Variants in PLA2G4A observed in about 807,000 individuals in gnomAD.
The protein encoded by PLA2G4A is cytosolic phospholipase A2.
PLA2G4A carries 40 observed loss-of-function variants against 81.9 expected under a neutral mutation model. That is an observed-to-expected ratio of 0.49 (90% CI 0.38 to 0.64). The LOEUF (loss-of-function observed/expected upper bound fraction) is 0.64, where lower values mean the gene tolerates loss of function less well. Among genes scored for constraint, PLA2G4A ranks in the 30% least tolerant of loss-of-function variants. PLA2G4A has a pLI of 0.00. For synonymous variants in PLA2G4A, 302 were observed against 296.9 expected, an observed-to-expected ratio of 1.02 and a Z score of -0.18; for missense variants, 715 against 905.1, an observed-to-expected ratio of 0.79 and a Z score of 2.69.
At chr1:186,922,532 C>T (rs1203659686) in intron 7 of PLA2G4A, among the ~76,000 whole-genome samples, 1 of 152,170 alleles carries the variant, frequency 6.6e-6, no homozygotes, top group Non-Finnish European at 1.5e-5. Context: ...CAGTTGCCTA[C>T]CTAGGAGTGC....
chr1:186,951,454 A>T (rs1358800529), intron 13 of PLA2G4A, among the ~76,000 whole-genome samples: 1 of 408 alleles, frequency 2.5e-3, no homozygotes, highest in Non-Finnish European at 3.8e-3. Flanking sequence ...CCCAATAGTT[A>T]AAAAAAAGCC....
chr1:186,929,605 T>A (rs1410567170), intron 7 of PLA2G4A, among the ~76,000 whole-genome samples: 1 of 152,140 alleles, frequency 6.6e-6, no homozygotes, highest in Non-Finnish European at 1.5e-5. Flanking sequence ...ACAGCATTAG[T>A]TGGGGAAAAG....
chr1:186,884,232 G>A (rs930533772), intron 3 of PLA2G4A, among the ~76,000 whole-genome samples: 5 of 149,882 alleles, frequency 3.3e-5, no homozygotes, highest in African/African-American at 1.2e-4. Context: ...AAGGAAAATT[G>A]AAGGACTACA....
At chr1:186,864,579 G>A (rs976275715) in intron 2 of PLA2G4A, among the ~76,000 whole-genome samples, 1 of 151,544 alleles carries the variant, frequency 6.6e-6, no homozygotes, top group Non-Finnish European at 1.5e-5. Flanking sequence ...TCATATACTT[G>A]TTGGCCATTT....
intron 3 of PLA2G4A, among the ~76,000 whole-genome samples, chr1:186,883,538 A>G (rs1416657466): frequency 6.6e-6 from 1 of 152,124 alleles, no homozygotes; most frequent in Non-Finnish European, 1.5e-5. Flanking sequence ...GGTTTTGACT[A>G]CATGAGCAAT....
chr1:186,935,530 A>G (rs973944893), intron 8 of PLA2G4A, among the ~76,000 whole-genome samples: 10 of 151,842 alleles, frequency 6.6e-5, no homozygotes, highest in African/African-American at 2.2e-4. Flanking sequence ...TAAAAAGAAG[A>G]TAGAAGGTAA....
chr1:186,943,277 T>C (rs1656221942), intron 10 of PLA2G4A, among the ~76,000 whole-genome samples: 1 of 152,202 alleles, frequency 6.6e-6, no homozygotes, highest in Non-Finnish European at 1.5e-5. Flanking sequence ...GTGTTTAAAC[T>C]GTTAGAAATT....
Position 186,940,216 on chromosome 1 carries a change from TA to T in PLA2G4A, c.1033+124del, listed in dbSNP as rs1557884051. On this transcript the variant is annotated intron_variant, in intron 10 of 17. Transcript: ENST00000367466. The stretch of plus-strand genomic sequence containing the variant: ...TTATTTTAATGTATTTTCTGTAACA[TA>T]AGACTTTGAAGATATAAGAAAATAT... The T allele has an allele frequency of 7.1e-6, 5 of 706,100 alleles. No individual in the cohort carries two copies. The Admixed American group carries it at 1.0e-4, about 14-fold the overall frequency. The allele number at this position is 706,100 out of a possible 1,614,324, so 43.7% of individuals were successfully genotyped here. A position where few individuals can be genotyped will look rare whatever the true frequency, so the allele number is the denominator to read the frequency against.
At position 186,956,307 on chromosome 1, in the gene PLA2G4A, C is replaced by A. The variant is rs1265800062; in HGVS notation, c.1542C>A (p.Asp514Glu). ...LSPLSDFATQ[D>E]SFDDDELDAA... is the part of the protein sequence containing the mutation. Reference sequence around the variant, plus strand: ...CTTTGAGTGACTTTGCCACACAGGACTCCTTTGATGATGATGAACTGGATG... The same window carrying A: ...CTTTGAGTGACTTTGCCACACAGGAATCCTTTGATGATGATGAACTGGATG... The change falls in exon 14 of 18, where the codon GAC becomes GAA. Residue 514 changes from aspartate to glutamate, a missense_variant. Asp to Glu is a conservative substitution (Grantham distance 45, BLOSUM62 2). Transcript: ENST00000367466. 2 of 1,613,518 alleles carry A rather than the reference C, an allele frequency of 1.2e-6. No homozygotes were observed. The highest frequency in any genetic ancestry group is 1.7e-6 in the Non-Finnish European group (2 of 1,179,568).
chr1:186,930,235 T>C (rs1037954825), intron 7 of PLA2G4A, among the ~76,000 whole-genome samples: 1 of 152,250 alleles, frequency 6.6e-6, no homozygotes. Flanking sequence ...TATTCAACTT[T>C]ACGTACAAAT....
intron 9 of PLA2G4A, among the ~76,000 whole-genome samples, chr1:186,939,533 C>A (rs960780979): frequency 6.7e-6 from 1 of 150,184 alleles, no homozygotes; most frequent in African/African-American, 2.4e-5. Context: ...TAACCCTTAA[C>A]TGCCCATTCC....
intron 7 of PLA2G4A, among the ~76,000 whole-genome samples, chr1:186,930,197 T>A (rs1655691702): frequency 6.6e-6 from 1 of 152,202 alleles, no homozygotes; most frequent in African/African-American, 2.4e-5. Context: ...ATGAAGGTAA[T>A]TATAATCTGC....
intron 3 of PLA2G4A, among the ~76,000 whole-genome samples, chr1:186,876,333 A>T (rs1653496666): frequency 6.6e-6 from 1 of 152,038 alleles, no homozygotes; most frequent in South Asian, 2.1e-4. Context: ...CTGTGGAAAA[A>T]TTTCTAAAAG....
rs772018373 is a variant in PLA2G4A, at chr1:186,946,735, G to A, written c.1132G>A (p.Val378Ile). 22 of 1,611,654 alleles carry A rather than the reference G, an allele frequency of 1.4e-5. No homozygotes were observed. The highest frequency in any genetic ancestry group is 1.6e-5 in the Non-Finnish European group (19 of 1,178,192). ...FGSKFFMGTV[V>I]KKYEENPLHF... is the part of the protein sequence containing the mutation. ...AAGCAAATTTTTTATGGGAACAGTCGTTAAGAAGTATGAAGAAAACCCCTT... is the reference window on the plus strand; with the variant it reads ...AAGCAAATTTTTTATGGGAACAGTCATTAAGAAGTATGAAGAAAACCCCTT... Residue 378 changes from valine to isoleucine, a missense_variant, in exon 11 of 18, where the codon GTT (valine) becomes ATT (isoleucine). By Grantham distance (29) the Val-to-Ile change is conservative. Transcript: ENST00000367466.
chr1:186,931,715 A>G (rs939841762), intron 7 of PLA2G4A, among the ~76,000 whole-genome samples: 5 of 152,038 alleles, frequency 3.3e-5, no homozygotes, highest in African/African-American at 1.2e-4. Flanking sequence ...GAATATATGT[A>G]TACATCATAT....
At chr1:186,873,801 C>A (rs921682510) in intron 3 of PLA2G4A, among the ~76,000 whole-genome samples, 1 of 152,004 alleles carries the variant, frequency 6.6e-6, no homozygotes, top group Non-Finnish European at 1.5e-5. Context: ...GCATCTCTTT[C>A]ATTCCTTGTT....
intron 15 of PLA2G4A, among the ~76,000 whole-genome samples, chr1:186,976,026 A>G (rs965447334): frequency 6.6e-6 from 1 of 152,214 alleles, no homozygotes; most frequent in Non-Finnish European, 1.5e-5. Flanking sequence ...GAATTAACAA[A>G]TACTCTGAGG....
At chr1:186,930,214 A>G (rs1209995566) in intron 7 of PLA2G4A, among the ~76,000 whole-genome samples, 1 of 152,210 alleles carries the variant, frequency 6.6e-6, no homozygotes, top group Non-Finnish European at 1.5e-5. Context: ...CTGCACAGCC[A>G]ATTATTTGAT....
intron 1 of PLA2G4A, among the ~76,000 whole-genome samples, chr1:186,851,003 C>G (rs1221335629): frequency 1.3e-5 from 2 of 152,054 alleles, no homozygotes; most frequent in South Asian, 2.1e-4. Flanking sequence ...ATCTTAAAAG[C>G]AAATCATATG....
Sources: allele counts gnomAD v4.1 joint callset (sites outside exome capture counted in the v4.1 genomes callset), GRCh38; gene constraint gnomAD v4.1.1; transcripts MANE v1.5; gene names NCBI Gene and HGNC (gene_info 2026-07-23, HGNC 2026-07-21).